RYR2: variants seen among roughly 807,000 people sequenced by gnomAD.
RYR2 encodes the protein cardiac muscle ryanodine receptor-calcium release channel.
In RYR2, 227 loss-of-function variants were observed where a neutral mutation model predicts 601.1. That is an observed-to-expected ratio of 0.38 (90% CI 0.34 to 0.42). The LOEUF is 0.42. RYR2 is among the 10% of genes least tolerant of loss of function. The probability of loss-of-function intolerance (pLI) is 1.00; values close to 1 mark genes in which losing one functional copy is unlikely to be tolerated. For missense variants in RYR2, 4,646 were observed against 6,156.5 expected (o/e 0.75, Z 8.21); for synonymous variants, 2,223 against 2,175.1 (o/e 1.02, Z -0.61).
chr1:237,475,273 A>G (rs544515060), intron 17 of RYR2, among the ~76,000 whole-genome samples: 26 of 152,288 alleles, frequency 1.7e-4, no homozygotes, highest in Non-Finnish European at 2.5e-4. Context: ...CTTACTGACT[A>G]TGAGATTATG....
chr1:237,294,803 T>A (rs1692595098), intron 2 of RYR2, among the ~76,000 whole-genome samples: 1 of 152,092 alleles, frequency 6.6e-6, no homozygotes. Flanking sequence ...GCAGGAAGGG[T>A]TGCTTAACTA....
chr1:237,788,426 G>A (rs184096035), intron 92 of RYR2, among the ~76,000 whole-genome samples: 1 of 152,244 alleles, frequency 6.6e-6, no homozygotes, highest in African/African-American at 2.4e-5. Flanking sequence ...AAGACATTAG[G>A]ACAAGTGAAT....
intron 4 of RYR2, among the ~76,000 whole-genome samples, chr1:237,363,978 C>T (rs755194494): frequency 2.6e-5 from 4 of 152,132 alleles, no homozygotes; most frequent in South Asian, 2.1e-4. Flanking sequence ...TTGTTTTTAT[C>T]ACTGCATTTT....
chr1:237,517,049 G>A (rs1558955530), intron 24 of RYR2, among the ~76,000 whole-genome samples: 1 of 152,186 alleles, frequency 6.6e-6, no homozygotes, highest in East Asian at 1.9e-4. Context: ...TCACAAGTGT[G>A]TGCATGGCCC....
At position 237,492,964 on chromosome 1, in the gene RYR2, T is replaced by C. The variant is rs1057512489; in HGVS notation, c.1838T>C (p.Val613Ala). The C allele has an allele frequency of 6.9e-6, 11 of 1,590,832 alleles. No individual in the cohort carries two copies. The highest frequency in any genetic ancestry group is 2.3e-5 in the South Asian group (2 of 88,032). ...AATTTCTCTTTTCAGGTTCTGGATG[T>C]CTTGTGCTCACTCTGTGTTTGCCAC... ...KHGRNHKVLD[V>A]LCSLCVCHGV... Residue 613 changes from valine to alanine, a missense_variant, in exon 19 of 105, where the codon GTC becomes GCC. By Grantham distance (64) the Val-to-Ala change is moderately conservative. Around this residue, in one of 17 missense-constraint regions of RYR2, gnomAD observed 1,807 missense variants for 2,088.1 expected, o/e 0.87. Transcript: ENST00000366574.
intron 4 of RYR2, among the ~76,000 whole-genome samples, chr1:237,356,482 T>C (rs1164761051): frequency 6.6e-6 from 1 of 151,864 alleles, no homozygotes; most frequent in Non-Finnish European, 1.5e-5. Flanking sequence ...CAGGCTGGTC[T>C]TGAACTCCTG....
chr1:237,350,017 G>A (rs11577314), intron 3 of RYR2, among the ~76,000 whole-genome samples: 10,743 of 151,782 alleles, frequency 0.071, 503 homozygotes, highest in Non-Finnish European at 0.11. Context: ...GAGAACATGA[G>A]ACCAATATAA....
Position 237,784,532 on chromosome 1 carries a change from A to T in RYR2, c.12820A>T (p.Met4274Leu), listed in dbSNP as rs1304617213. 1.2e-6 allele frequency: 2 copies of T among 1,613,864 alleles called. No homozygotes were observed. Among genetic ancestry groups the T allele is most frequent in the Admixed American group, 3.3e-5 (2 of 60,024 alleles). Residue 4274 changes from methionine (M) to leucine (L), a missense_variant, in exon 90 of 105, where the codon ATG becomes TTG. Met to Leu is a conservative substitution (Grantham distance 15). Around this residue, in one of 17 missense-constraint regions of RYR2, gnomAD observed 364 missense variants for 442.9 expected, o/e 0.82. Coordinates refer to ENST00000366574, the MANE Select transcript of RYR2 (RefSeq NM_001035.3). The surrounding 1 kb of genome is among the most constrained non-coding windows in gnomAD (Gnocchi z 7.1). ...LKKQMKKVKK[M>L]TVKDMVTAFF... ...GAAGCAGATGAAAAAAGTAAAAAAGATGACCGTGAAGGACATGGTCACGGC... is the reference window on the plus strand; with the variant it reads ...GAAGCAGATGAAAAAAGTAAAAAAGTTGACCGTGAAGGACATGGTCACGGC...
intron 3 of RYR2, among the ~76,000 whole-genome samples, chr1:237,337,568 A>G (rs1479852783): frequency 6.6e-6 from 1 of 152,172 alleles, no homozygotes; most frequent in Admixed American, 6.6e-5. Context: ...TTTCTCATTT[A>G]TAATGTGGGG....
intron 5 of RYR2, among the ~76,000 whole-genome samples, chr1:237,368,369 A>C (rs895946523): frequency 3.3e-5 from 5 of 152,176 alleles, no homozygotes; most frequent in Admixed American, 6.5e-5. Context: ...AAGGCAGGGA[A>C]GACTAGAGAG....
chr1:237,581,305 G>A (rs1171220243), intron 29 of RYR2, among the ~76,000 whole-genome samples: 1 of 152,086 alleles, frequency 6.6e-6, no homozygotes, highest in Non-Finnish European at 1.5e-5. Context: ...GGCCCATGAT[G>A]GTTATAATCA....
Position 237,506,713 on chromosome 1 carries a change from G to A in RYR2, c.2617G>A (p.Val873Met), listed in dbSNP as rs369248015. 3.1e-5 allele frequency: 50 copies of A among 1,609,482 alleles called. No homozygotes were observed. The highest frequency in any genetic ancestry group is 3.7e-5 in the Non-Finnish European group (43 of 1,177,710). Residue 873 changes from valine to methionine, a missense_variant, in exon 23 of 105, where the codon GTG (valine) becomes ATG (methionine). By Grantham distance (21) the Val-to-Met change is conservative. This residue lies in a region of RYR2 where 1,807 missense variants were observed against 2,088.1 expected (regional missense o/e 0.87). Transcript: ENST00000366574. ...TPIPVDTSQI[V>M]LPPHLERIRE... Reference sequence around the variant, plus strand: ...TTTTTCTTTTTGTAAATTTTAGATCGTGTTGCCTCCTCATCTAGAAAGAAT... The same window carrying A: ...TTTTTCTTTTTGTAAATTTTAGATCATGTTGCCTCCTCATCTAGAAAGAAT...
At chr1:237,190,821 G>T (rs1319584727) in intron 1 of RYR2, among the ~76,000 whole-genome samples, 1 of 152,166 alleles carries the variant, frequency 6.6e-6, no homozygotes, top group Non-Finnish European at 1.5e-5. Flanking sequence ...GATGCCGAGG[G>T]ATGACTATAT....
At chr1:237,501,132 G>A (rs1320076964) in intron 21 of RYR2, among the ~76,000 whole-genome samples, 1 of 151,252 alleles carries the variant, frequency 6.6e-6, no homozygotes, top group Non-Finnish European at 1.5e-5. Flanking sequence ...TTAGATGTGG[G>A]CAGTCTCCCT....
At chr1:237,431,547 A>G (rs1706807063) in intron 12 of RYR2, among the ~76,000 whole-genome samples, 1 of 152,192 alleles carries the variant, frequency 6.6e-6, no homozygotes, top group Admixed American at 6.5e-5. Context: ...CTTATTACAT[A>G]GATTTATCAT....
At chr1:237,483,612 C>T (rs1167935871) in intron 17 of RYR2, among the ~76,000 whole-genome samples, 1 of 152,200 alleles carries the variant, frequency 6.6e-6, no homozygotes, top group Non-Finnish European at 1.5e-5. Flanking sequence ...GACTGCCAAT[C>T]AGTTACTCTT....
chr1:237,365,937 C>A (rs767207662), intron 5 of RYR2, among the ~76,000 whole-genome samples: 1 of 152,182 alleles, frequency 6.6e-6, no homozygotes, highest in Non-Finnish European at 1.5e-5. Context: ...CTTTTAACTT[C>A]GAGGCCAGAA....
At chr1:237,088,511 C>T (rs1666608607) in intron 1 of RYR2, among the ~76,000 whole-genome samples, 1 of 152,202 alleles carries the variant, frequency 6.6e-6, no homozygotes, top group Non-Finnish European at 1.5e-5. Context: ...ATCTCAAACT[C>T]CTGTGCCCTA....
intron 2 of RYR2, among the ~76,000 whole-genome samples, chr1:237,284,471 T>C (rs1691251419): frequency 9.0e-6 from 1 of 111,264 alleles, no homozygotes; most frequent in African/African-American, 4.9e-5. Context: ...TAATCCACTA[T>C]ATATACATAT....
Sources: allele counts gnomAD v4.1 joint callset (sites outside exome capture counted in the v4.1 genomes callset), GRCh38; gene constraint gnomAD v4.1.1; regional missense constraint gnomAD v4.1.1; non-coding constraint Gnocchi (gnomAD v3.1); transcripts MANE v1.5; gene names NCBI Gene and HGNC (gene_info 2026-07-23, HGNC 2026-07-21).